RPS18: variants seen among roughly 807,000 people sequenced by gnomAD.
The protein encoded by RPS18 is small ribosomal subunit protein uS13.
For synonymous variants in RPS18, 64 were observed against 70.9 expected (o/e 0.90, Z 0.49); for missense variants, 49 against 200.8 (o/e 0.24, Z 4.57).
Position 33,275,823 on chromosome 6 carries a change from G to A in RPS18, c.129G>A (p.Val43=), listed in dbSNP as rs776455206. The part of the protein sequence containing the change: ...IKGVGRRYAH[V]VLRKADIDLT... ...GTGTGGGCCGAAGATATGCTCATGT[G>A]GTGTTGAGGAAAGCAGACATTGACC... Residue 43 remains valine (V), a synonymous_variant, in exon 3 of 6, where the codon GTG becomes GTA. Transcript: ENST00000439602. 13 of 1,612,454 alleles carry A rather than the reference G, an allele frequency of 8.1e-6. No individual in the cohort carries two copies. The African/African-American group carries it at 1.5e-4, about 18-fold the overall frequency.
At chr6:33,272,375 C>T (rs1428991489) in intron 1 of RPS18, 1 of 606,448 alleles carries the variant, frequency 1.6e-6, no homozygotes, top group Non-Finnish European at 2.9e-6. Context: ...TTGCCACGCA[C>T]TTTTGGGAAT....
At position 33,272,733 on chromosome 6, in the gene RPS18, G is replaced by T. The variant is rs774026658; in HGVS notation, c.102+7G>T. ...TGCCATCACTGCCATTAAGGTAAGT[G>T]AAGTAGGGTAAGGAATAGGGAATGT... On this transcript the variant is annotated splice_region_variant and intron_variant, in intron 2 of 5. Coordinates refer to ENST00000439602, the MANE Select transcript of RPS18 (RefSeq NM_022551.3). 2.9e-6 allele frequency: 4 copies of T among 1,377,072 alleles called. No homozygotes were observed. The highest frequency in any genetic ancestry group is 4.2e-6 in the Non-Finnish European group (4 of 963,142). The allele number at this position is 1,377,072 out of a possible 1,614,324, so 85.3% of individuals were successfully genotyped here.
intron 2 of RPS18, among the ~76,000 whole-genome samples, chr6:33,273,782 A>ATAAT (rs1765441022): frequency 6.6e-6 from 1 of 152,202 alleles, no homozygotes; most frequent in African/African-American, 2.4e-5. Context: ...TTGTAAACAT[A>ATAAT]TAATTAAATT....
At chr6:33,275,571 G>A (rs1274412649) in intron 2 of RPS18, 3 of 568,710 alleles carry the variant, frequency 5.3e-6, no homozygotes, top group African/African-American at 3.8e-5. Flanking sequence ...TGCCCACTTG[G>A]GCCTCCCAAA....
intron 2 of RPS18, among the ~76,000 whole-genome samples, chr6:33,274,315 A>C (rs570540878): frequency 6.6e-6 from 1 of 151,966 alleles, no homozygotes; most frequent in Non-Finnish European, 1.5e-5. Context: ...TCCTACCTCA[A>C]CTTTCCAAGT....
rs771412115 is a variant in RPS18, at chr6:33,272,176, A to G, written c.3+54A>G. ...GCGGCATCGCAGCTCGGGCAAGGAA[A>G]GCCGGCTGTCAGGGTTCTGGAAACG... On this transcript the variant is annotated intron_variant, in intron 1 of 5. Coordinates refer to ENST00000439602, the MANE Select transcript of RPS18 (RefSeq NM_022551.3). The G allele has an allele frequency of 3.9e-6, 6 of 1,550,832 alleles. No individual in the cohort carries two copies. The East Asian group carries it at 7.3e-5, about 19-fold the overall frequency.
At chr6:33,272,870 G>T (rs1765328517) in intron 2 of RPS18, 144 bp downstream of exon 2, 2 of 659,004 alleles carry the variant, frequency 3.0e-6, no homozygotes, top group Non-Finnish European at 5.6e-6. Flanking sequence ...GTGGTTTAGG[G>T]AGAGACTGAC....
intron 1 of RPS18, 102 bp from the exon 2 acceptor site, chr6:33,272,526 G>A (rs1175706722): frequency 1.3e-6 from 1 of 757,656 alleles, no homozygotes; most frequent in African/African-American, 1.7e-5. Flanking sequence ...TGCCACTTGT[G>A]TGACAGGCTT....
At position 33,272,108 on chromosome 6, in the gene RPS18, T is replaced by C; in HGVS notation, c.-12T>C. Reference sequence around the variant, plus strand: ...CACAGGAGGCCTACACGCCGCCGCTTGTGCTGCAGCCATGGTAAGACTGGA... The same window carrying C: ...CACAGGAGGCCTACACGCCGCCGCTCGTGCTGCAGCCATGGTAAGACTGGA... On this transcript the variant is annotated 5_prime_UTR_variant, in exon 1 of 6. Transcript: ENST00000439602. The C allele has an allele frequency of 2.6e-6, 4 of 1,568,008 alleles. No homozygotes were observed. The highest frequency in any genetic ancestry group is 3.5e-6 in the Non-Finnish European group (4 of 1,156,252).
chr6:33,275,768 C>CT, intron 2 of RPS18, 29 bp from the exon 3 acceptor site: 2 of 1,439,542 alleles, frequency 1.4e-6, no homozygotes, highest in African/African-American at 1.4e-5. Context: ...AGATTCAACA[C>CT]TAATTCCGAA....
chr6:33,272,325 A>T (rs548607417), intron 1 of RPS18: 2 of 647,076 alleles, frequency 3.1e-6, no homozygotes, highest in South Asian at 3.8e-5. Flanking sequence ...GGCGCACGAA[A>T]GCTGTCTAAG....
chr6:33,275,643 T>G, intron 2 of RPS18, 154 bp from the exon 3 acceptor site: 1 of 697,116 alleles, frequency 1.4e-6, no homozygotes. Flanking sequence ...TGTCGAACGG[T>G]TTATATCTGG....
At chr6:33,274,607 A>G in intron 2 of RPS18, among the ~76,000 whole-genome samples, 1 of 152,126 alleles carries the variant, frequency 6.6e-6, no homozygotes, top group East Asian at 1.9e-4. Context: ...TAAGAATCCT[A>G]CCTTGCCTCT....
At chr6:33,272,164 T>C (rs1765230242) in intron 1 of RPS18, 42 bp downstream of exon 1, 3 of 1,554,198 alleles carry the variant, frequency 1.9e-6, no homozygotes, top group Non-Finnish European at 2.6e-6. Context: ...GCATCGCAGC[T>C]CGGGCAAGGA....
In RPS18 at chr6:33,272,603, T is replaced by C. The variant is rs1460798076; in HGVS notation, c.4-25T>C. Reference sequence around the variant, plus strand: ...GTTTGATAGTTTACTGTGTCTGATTTCTTCCCCCGTACTTTTTCAACTAGT... The same window carrying C: ...GTTTGATAGTTTACTGTGTCTGATTCCTTCCCCCGTACTTTTTCAACTAGT... On this transcript the variant is annotated intron_variant, in intron 1 of 5. Coordinates refer to ENST00000439602, the MANE Select transcript of RPS18 (RefSeq NM_022551.3). 8.1e-6 allele frequency: 8 copies of C among 991,692 alleles called. No individual in the cohort carries two copies. The Admixed American group carries it at 1.4e-4, about 17-fold the overall frequency. The allele number at this position is 991,692 out of a possible 1,614,324, so 61.4% of individuals were successfully genotyped here.
At chr6:33,273,993 C>CGTCACCCAG (rs1554263838) in intron 2 of RPS18, among the ~76,000 whole-genome samples, 79 of 152,332 alleles carry the variant, frequency 5.2e-4, no homozygotes, top group African/African-American at 1.8e-3. Context: ...AGTCTCACCC[C>CGTCACCCAG]GTCACCCAGG....
At chr6:33,274,198 G>A (rs1475580411) in intron 2 of RPS18, among the ~76,000 whole-genome samples, 1 of 152,106 alleles carries the variant, frequency 6.6e-6, no homozygotes, top group Non-Finnish European at 1.5e-5. Context: ...GATTATAGGC[G>A]TGAGCCACTG....
intron 2 of RPS18, among the ~76,000 whole-genome samples, chr6:33,275,004 C>T (rs1472737935): frequency 1.3e-5 from 2 of 152,090 alleles, no homozygotes; most frequent in African/African-American, 4.8e-5. Flanking sequence ...TGGGCACTGA[C>T]AAAATTGAGT....
intron 2 of RPS18, among the ~76,000 whole-genome samples, chr6:33,273,734 ATC>A (rs1044330536): frequency 6.6e-6 from 1 of 152,180 alleles, no homozygotes; most frequent in Non-Finnish European, 1.5e-5. Flanking sequence ...TTTCATCTAT[ATC>A]TCTTCCCACA....
Sources: allele counts gnomAD v4.1 joint callset (sites outside exome capture counted in the v4.1 genomes callset), GRCh38; gene constraint gnomAD v4.1.1; transcripts MANE v1.5; gene names NCBI Gene and HGNC (gene_info 2026-07-23, HGNC 2026-07-21).